GLCCI1: variants seen among roughly 807,000 people sequenced by gnomAD.
GLCCI1 encodes the protein glucocorticoid-induced transcript 1 protein.
GLCCI1 carries 24 observed loss-of-function variants against 52.2 expected under a neutral mutation model. The ratio of observed to expected loss-of-function variants is 0.46; its 90% CI spans 0.33 to 0.65. The LOEUF (loss-of-function observed/expected upper bound fraction) is 0.65. Among genes scored for constraint, GLCCI1 ranks in the 30% least tolerant of loss-of-function variants. The pLI, the probability that GLCCI1 is intolerant of heterozygous loss-of-function variation, is 0.02. For missense variants in GLCCI1, 704 were observed against 701.5 expected, an observed-to-expected ratio of 1.00 and a Z score of -0.04; for synonymous variants, 310 against 276.5, an observed-to-expected ratio of 1.12 and a Z score of -1.20.
rs190049398 is a variant in GLCCI1, at chr7:8,008,750, T to C, written c.609+4691T>C. ...AATACTGAACTCAGATGTTTAGAGA[T>C]GAAGTATACTGCTGTCTGCAACTTT... is the stretch of plus-strand genomic sequence containing the variant. On this transcript the variant is annotated intron_variant, in intron 2 of 7. Transcript: ENST00000223145. 3.9e-3 allele frequency among the ~76,000 whole-genome samples: 592 copies of C among 152,334 alleles called. 3 individuals are homozygous for C. The highest frequency in any genetic ancestry group is 0.013 in the African/African-American group (553 of 41,570).
chr7:8,003,841 T>C, intron 1 of GLCCI1, 67 bp from the exon 2 acceptor site: 1 of 1,395,680 alleles, frequency 7.2e-7, no homozygotes, highest in Non-Finnish European at 9.8e-7. Flanking sequence ...CTACAAACTA[T>C]GAAGTTAGAT....
rs60234956 is a variant in GLCCI1 at position 7,992,107 on chromosome 7, T to TTCTC, written c.458-11782_458-11779dup. ...TCTTTCTTTCTTTCTTTCTGTCTGT[T>TTCTC]TCTCTCTCTCTCTCTCTCTCTCATA... On this transcript the variant is annotated intron_variant, in intron 1 of 7. Transcript: ENST00000223145. Among the ~76,000 whole-genome samples the TTCTC allele has an allele frequency of 2.5e-4, 36 of 141,414 alleles. No homozygotes were observed. The East Asian group carries it at 3.9e-3, about 15-fold the overall frequency. 92.8% of individuals were successfully genotyped at this position (141,414 alleles called of 152,430 possible).
At chr7:8,006,086 C>T (rs1781143053) in intron 2 of GLCCI1, among the ~76,000 whole-genome samples, 1 of 152,194 alleles carries the variant, frequency 6.6e-6, no homozygotes, top group Non-Finnish European at 1.5e-5. Flanking sequence ...GCATGCGCCA[C>T]CACTCCTGGC....
chr7:7,992,107 T>TCTTTCTG (rs1780853040), intron 1 of GLCCI1, among the ~76,000 whole-genome samples: 1 of 141,310 alleles, frequency 7.1e-6, no homozygotes, highest in Admixed American at 7.3e-5. Context: ...TTCTGTCTGT[T>TCTTTCTG]TCTCTCTCTC....
At chr7:8,008,728 A>G (rs1405367704) in intron 2 of GLCCI1, among the ~76,000 whole-genome samples, 3 of 152,190 alleles carry the variant, frequency 2.0e-5, no homozygotes, top group Non-Finnish European at 4.4e-5. Flanking sequence ...GAAAACAAAT[A>G]CTGAACTCAG....
At chr7:8,008,282 T>C (rs532094155) in intron 2 of GLCCI1, among the ~76,000 whole-genome samples, 371 of 151,342 alleles carry the variant, frequency 2.5e-3, no homozygotes, top group African/African-American at 8.4e-3. Flanking sequence ...TTAAATGTTG[T>C]ATATCTTTTT....
At chr7:7,996,082 A>T (rs1044243167) in intron 1 of GLCCI1, among the ~76,000 whole-genome samples, 2 of 152,162 alleles carry the variant, frequency 1.3e-5, no homozygotes, top group Admixed American at 1.3e-4. Context: ...CTTTAACTGG[A>T]AGTTAAATTC....
At chr7:8,073,615 T>A (rs1305814222) in intron 6 of GLCCI1, among the ~76,000 whole-genome samples, 1 of 152,210 alleles carries the variant, frequency 6.6e-6, no homozygotes, top group East Asian at 1.9e-4. Flanking sequence ...TAATAATACC[T>A]TCCTCATATC....
chr7:7,988,908 G>A (rs1780787462), intron 1 of GLCCI1, among the ~76,000 whole-genome samples: 1 of 151,972 alleles, frequency 6.6e-6, no homozygotes, highest in South Asian at 2.1e-4. Context: ...GTTAGATAAG[G>A]CTAAATGATA....
intron 6 of GLCCI1, among the ~76,000 whole-genome samples, chr7:8,078,010 G>A (rs534686554): frequency 2.6e-4 from 39 of 151,974 alleles, no homozygotes; most frequent in African/African-American, 8.2e-4. Context: ...CAAGGCAGGC[G>A]GATAACGAGG....
intron 3 of GLCCI1, among the ~76,000 whole-genome samples, chr7:8,053,004 TATTA>T (rs746353756): frequency 1.9e-5 from 2 of 107,432 alleles, no homozygotes; most frequent in African/African-American, 7.2e-5. Flanking sequence ...TTTGGTTTTG[TATTA>T]TTTATTTATT....
At chr7:8,005,683 C>T (rs930091438) in intron 2 of GLCCI1, among the ~76,000 whole-genome samples, 2 of 152,190 alleles carry the variant, frequency 1.3e-5, no homozygotes, top group South Asian at 2.1e-4. Context: ...AGTGCTGTGA[C>T]ACTGCACTAA....
chr7:8,065,027 T>C (rs995485228), intron 5 of GLCCI1, among the ~76,000 whole-genome samples: 5 of 152,156 alleles, frequency 3.3e-5, no homozygotes, highest in African/African-American at 7.2e-5. Context: ...AGTGTGGCCA[T>C]TTTAACAATA....
chr7:7,998,041 G>A (rs1369955492), intron 1 of GLCCI1, among the ~76,000 whole-genome samples: 1 of 151,702 alleles, frequency 6.6e-6, no homozygotes, highest in African/African-American at 2.4e-5. Flanking sequence ...ATTATTTAAT[G>A]AAATTAAATT....
intron 1 of GLCCI1, among the ~76,000 whole-genome samples, chr7:7,998,170 T>G (rs1001276546): frequency 3.6e-4 from 24 of 66,484 alleles, no homozygotes; most frequent in Middle Eastern, 7.7e-3. Flanking sequence ...GGAGGTAGTT[T>G]TTTTTGTTTT....
chr7:7,996,150 C>G (rs1166636266), intron 1 of GLCCI1, among the ~76,000 whole-genome samples: 2 of 152,094 alleles, frequency 1.3e-5, no homozygotes, highest in Non-Finnish European at 2.9e-5. Flanking sequence ...CTTTTGCTTA[C>G]AATATGACTT....
chr7:8,000,314 A>G (rs1781027235), intron 1 of GLCCI1, among the ~76,000 whole-genome samples: 1 of 152,222 alleles, frequency 6.6e-6, no homozygotes, highest in Admixed American at 6.5e-5. Flanking sequence ...CAGGAAAAAT[A>G]TTCAAAAAGT....
intron 1 of GLCCI1, among the ~76,000 whole-genome samples, chr7:7,974,099 A>C (rs373739539): frequency 1.2e-3 from 176 of 152,276 alleles, no homozygotes; most frequent in African/African-American, 4.1e-3. Flanking sequence ...GACAGGTTTC[A>C]CATACTGACT....
At chr7:7,981,731 GA>G (rs1260925614) in intron 1 of GLCCI1, 2 of 281,636 alleles carry the variant, frequency 7.1e-6, no homozygotes, top group Non-Finnish European at 1.4e-5. Context: ...TAAATGGAAG[GA>G]AAAAGTGGGA....
Sources: gnomAD v4.1 joint callset for allele counts (sites outside exome capture counted in the v4.1 genomes callset) on GRCh38, gnomAD v4.1.1 for gene constraint, MANE v1.5 for transcripts, NCBI Gene and HGNC (gene_info 2026-07-23, HGNC 2026-07-21) for gene names.